GFRA2: variants seen among roughly 807,000 people sequenced by gnomAD.
GFRA2 encodes the protein GDNF family receptor alpha 2, also known as GDNF family receptor alpha-2.
GFRA2 carries 17 observed loss-of-function variants against 48.3 expected under a neutral mutation model. The observed-to-expected ratio is 0.35, with a 90% CI of 0.24 to 0.53. The LOEUF is 0.53. Among genes scored for constraint, GFRA2 ranks in the 20% least tolerant of loss-of-function variants. The probability of loss-of-function intolerance (pLI) is 0.93; values close to 1 mark genes in which losing one functional copy is unlikely to be tolerated. For missense variants in GFRA2, 660 were observed against 637.3 expected (o/e 1.04, Z -0.38); for synonymous variants, 305 against 257.2 (o/e 1.19, Z -1.78).
intron 1 of GFRA2, among the ~76,000 whole-genome samples, chr8:21,809,566 A>G (rs1355493126): frequency 6.6e-6 from 1 of 152,022 alleles, no homozygotes; most frequent in South Asian, 2.1e-4. Flanking sequence ...TGACCTCGTG[A>G]TCCGCCCGCC....
intron 2 of GFRA2, among the ~76,000 whole-genome samples, chr8:21,802,709 G>C (rs1345590203): frequency 6.6e-6 from 1 of 152,154 alleles, no homozygotes; most frequent in Non-Finnish European, 1.5e-5. Context: ...GGGGGAGGCA[G>C]ATGTACAAAT....
intron 2 of GFRA2, among the ~76,000 whole-genome samples, chr8:21,782,007 G>C (rs1430266505): frequency 6.6e-6 from 1 of 152,168 alleles, no homozygotes; most frequent in Non-Finnish European, 1.5e-5. Flanking sequence ...ATGAAGGGCT[G>C]GTGTCCTGGA....
chr8:21,766,554 C>T (rs545899455), intron 3 of GFRA2, among the ~76,000 whole-genome samples: 1 of 151,772 alleles, frequency 6.6e-6, no homozygotes, highest in East Asian at 2.0e-4. Context: ...GCCCCAAACA[C>T]ACGAACCAAG....
At chr8:21,716,879 C>A (rs369949264) in intron 4 of GFRA2, among the ~76,000 whole-genome samples, 10 of 152,348 alleles carry the variant, frequency 6.6e-5, no homozygotes, top group African/African-American at 2.2e-4. Context: ...ACACCTCACG[C>A]CCCTTCAGGA....
intron 7 of GFRA2, among the ~76,000 whole-genome samples, chr8:21,694,977 G>A (rs947136298): frequency 6.6e-6 from 1 of 152,164 alleles, no homozygotes; most frequent in Admixed American, 6.5e-5. Flanking sequence ...CTGTTAATTT[G>A]CCATGGCTGA....
At chr8:21,697,117 A>T (rs1802237152) in intron 7 of GFRA2, among the ~76,000 whole-genome samples, 1 of 123,162 alleles carries the variant, frequency 8.1e-6, no homozygotes, top group Non-Finnish European at 1.7e-5. Flanking sequence ...AGGAGAGGGG[A>T]GGGGAGAGAA....
chr8:21,696,649 A>G (rs1468397783), intron 7 of GFRA2, among the ~76,000 whole-genome samples: 1 of 152,108 alleles, frequency 6.6e-6, no homozygotes, highest in Admixed American at 6.5e-5. Context: ...AGGTGTGGAG[A>G]GAGAGGATCT....
chr8:21,703,314 T>C (rs1467884408), intron 6 of GFRA2, among the ~76,000 whole-genome samples: 1 of 152,094 alleles, frequency 6.6e-6, no homozygotes, highest in Non-Finnish European at 1.5e-5. Flanking sequence ...CTCCTCTGCA[T>C]GGTGCCACCA....
intron 3 of GFRA2, among the ~76,000 whole-genome samples, chr8:21,763,447 T>C (rs903030047): frequency 1.3e-5 from 2 of 152,070 alleles, no homozygotes; most frequent in African/African-American, 4.8e-5. Flanking sequence ...ACCTCACACC[T>C]GGCTCACCAT....
intron 3 of GFRA2, among the ~76,000 whole-genome samples, chr8:21,773,205 A>G (rs1585325807): frequency 6.6e-6 from 1 of 152,204 alleles, no homozygotes; most frequent in Admixed American, 6.5e-5. Flanking sequence ...GCCAAGACTT[A>G]CCGTAGAGCT....
intron 3 of GFRA2, among the ~76,000 whole-genome samples, chr8:21,765,489 CTA>C (rs1208508425): frequency 2.0e-5 from 3 of 152,000 alleles, no homozygotes; most frequent in Non-Finnish European, 4.4e-5. Flanking sequence ...CTCTCTGGCC[CTA>C]GTCTCAGCTG....
intron 3 of GFRA2, among the ~76,000 whole-genome samples, chr8:21,754,923 G>A (rs566025960): frequency 6.6e-6 from 1 of 152,084 alleles, no homozygotes; most frequent in South Asian, 2.1e-4. Context: ...AAAAGGAAAT[G>A]AGCTATCAAA....
chr8:21,780,828 T>C (rs1459310572), intron 2 of GFRA2: 1 of 152,288 alleles, frequency 6.6e-6, no homozygotes, highest in African/African-American at 2.4e-5. Context: ...CTCTTCTAAA[T>C]AGCTCTCAGA....
intron 4 of GFRA2, among the ~76,000 whole-genome samples, chr8:21,741,606 T>C (rs1804746911): frequency 6.6e-6 from 1 of 151,878 alleles, no homozygotes; most frequent in Non-Finnish European, 1.5e-5. Flanking sequence ...TGGCACAGAG[T>C]GGGCACACAA....
chr8:21,731,488 T>C (rs188548170), intron 4 of GFRA2, among the ~76,000 whole-genome samples: 3 of 152,308 alleles, frequency 2.0e-5, no homozygotes, highest in African/African-American at 7.2e-5. Context: ...TATTTTTTTT[T>C]TAATCTAAAA....
Position 21,699,445 on chromosome 8 carries a change from G to A in GFRA2, c.1218+3360C>T, listed in dbSNP as rs142613823. Reference sequence around the variant, plus strand: ...GGGGAAGCAAAGGAGATGGTATGTTGCAGGGCTCCCTGGTGCTGGGAAAGG... The same window carrying A: ...GGGGAAGCAAAGGAGATGGTATGTTACAGGGCTCCCTGGTGCTGGGAAAGG... On this transcript the variant is annotated intron_variant, in intron 7 of 8. Transcript: ENST00000524240. Among the ~76,000 whole-genome samples, 392 of 152,316 alleles carry A rather than the reference G, an allele frequency of 2.6e-3. 3 individuals are homozygous for A. Among genetic ancestry groups the A allele is most frequent in the African/African-American group, 9.0e-3 (375 of 41,560 alleles).
At chr8:21,728,941 C>T (rs1804035238) in intron 4 of GFRA2, among the ~76,000 whole-genome samples, 1 of 152,226 alleles carries the variant, frequency 6.6e-6, no homozygotes, top group African/African-American at 2.4e-5. Context: ...TGCAGCCTTG[C>T]TGTCTGGGGT....
chr8:21,749,789 A>AC (rs1215173960), intron 4 of GFRA2, among the ~76,000 whole-genome samples: 2 of 151,560 alleles, frequency 1.3e-5, no homozygotes, highest in African/African-American at 4.8e-5. Context: ...TCCTGTCTTT[A>AC]CCACTCATTA....
chr8:21,711,962 G>T (rs1803058634), intron 4 of GFRA2, among the ~76,000 whole-genome samples: 1 of 152,194 alleles, frequency 6.6e-6, no homozygotes. Flanking sequence ...ACCCTGAGTG[G>T]ACACAGCACA....
Sources: gnomAD v4.1 joint callset for allele counts (sites outside exome capture counted in the v4.1 genomes callset) on GRCh38, gnomAD v4.1.1 for gene constraint, MANE v1.5 for transcripts, NCBI Gene and HGNC (gene_info 2026-07-23, HGNC 2026-07-21) for gene names.